TMTC1: variants seen among roughly 807,000 people sequenced by gnomAD.
The protein encoded by TMTC1 is protein O-mannosyl-transferase TMTC1.
A neutral mutation model predicts 104.8 loss-of-function variants in TMTC1; 73 were observed. That is an observed-to-expected ratio of 0.70 (90% CI 0.58 to 0.85). The LOEUF is 0.85. Ranked by LOEUF, TMTC1 falls within the 40% of genes least tolerant of loss-of-function variation. TMTC1 has a pLI of 0.00. For synonymous variants in TMTC1, 434 were observed against 428.7 expected, an observed-to-expected ratio of 1.01 and a Z score of -0.15; for missense variants, 1,035 against 1,096.1, an observed-to-expected ratio of 0.94 and a Z score of 0.79.
At chr12:29,732,897 T>A (rs999215971) in intron 5 of TMTC1, among the ~76,000 whole-genome samples, 2 of 152,156 alleles carry the variant, frequency 1.3e-5, no homozygotes, top group African/African-American at 4.8e-5. Flanking sequence ...ACTGGTCTCT[T>A]ATCCACATAA....
rs186480705 is a variant in TMTC1, at chr12:29,738,552, T to C, written c.938+13114A>G. ...CAATTGATCAAGCCAGAAAAAGATA[T>C]TTACTTCACATCTGCTCATTTTCTT... On this transcript the variant is annotated intron_variant, in intron 5 of 17. Transcript: ENST00000539277. 5.9e-5 allele frequency among the ~76,000 whole-genome samples: 9 copies of C among 152,310 alleles called. 1 individual carries two copies. Among genetic ancestry groups the C allele is most frequent in the African/African-American group, 1.7e-4 (7 of 41,578 alleles).
chr12:29,779,885 CTT>C (rs1943794690), intron 1 of TMTC1, among the ~76,000 whole-genome samples: 1 of 152,162 alleles, frequency 6.6e-6, no homozygotes, highest in African/African-American at 2.4e-5. Flanking sequence ...TTACCAAACT[CTT>C]TGGTTTAATA....
intron 5 of TMTC1, among the ~76,000 whole-genome samples, chr12:29,722,290 G>A (rs565437113): frequency 5.9e-5 from 9 of 152,108 alleles, no homozygotes; most frequent in Non-Finnish European, 1.2e-4. Flanking sequence ...ACAAAAGAGC[G>A]GTGGTGATCT....
rs55988236 is a variant in TMTC1 at position 29,629,762 on chromosome 12, C to A, written c.1128+3385G>T. 5.4e-3 allele frequency among the ~76,000 whole-genome samples: 827 copies of A among 152,258 alleles called. 9 individuals are homozygous for A. The highest frequency in any genetic ancestry group is 0.019 in the African/African-American group (781 of 41,548). On this transcript the variant is annotated intron_variant, in intron 6 of 17. Coordinates refer to ENST00000539277, the MANE Select transcript of TMTC1 (RefSeq NM_001193451.2). ...CTAGAAAGTGCTGGCAGTTGTATAA[C>A]ACTGTAAATACACTAAGTACCACTA...
At chr12:29,557,186 AG>A (rs1354277907) in intron 9 of TMTC1, among the ~76,000 whole-genome samples, 186 bp from the exon 10 acceptor site, 2 of 152,254 alleles carry the variant, frequency 1.3e-5, no homozygotes, top group Non-Finnish European at 2.9e-5. Flanking sequence ...TAATTAGGGC[AG>A]GGATGCACAT....
chr12:29,766,571 G>A (rs931190618), intron 2 of TMTC1, among the ~76,000 whole-genome samples: 4 of 152,132 alleles, frequency 2.6e-5, no homozygotes, highest in South Asian at 4.1e-4. Flanking sequence ...CCTTTGTAAG[G>A]TACCTCAGAG....
chr12:29,661,033 C>G, intron 5 of TMTC1: 2 of 372,916 alleles, frequency 5.4e-6, no homozygotes, highest in Non-Finnish European at 8.8e-6. Context: ...CCTGGGTTTC[C>G]GTTCCCAGTT....
chr12:29,566,206 G>T (rs1275524040), intron 9 of TMTC1, among the ~76,000 whole-genome samples: 5 of 152,098 alleles, frequency 3.3e-5, no homozygotes, highest in Non-Finnish European at 7.4e-5. Flanking sequence ...GGTAAGGGGG[G>T]AAGGGTTCTA....
intron 8 of TMTC1, among the ~76,000 whole-genome samples, chr12:29,582,874 C>G (rs191091173): frequency 1.3e-5 from 2 of 152,170 alleles, no homozygotes; most frequent in Non-Finnish European, 2.9e-5. Context: ...GAGAGCCAGG[C>G]GAAGGTCGCC....
chr12:29,781,139 A>G (rs576121022), intron 1 of TMTC1, among the ~76,000 whole-genome samples: 25 of 152,326 alleles, frequency 1.6e-4, no homozygotes, highest in African/African-American at 5.5e-4. Flanking sequence ...AGGTGAATAT[A>G]AAGAAAACTG....
At chr12:29,651,026 T>C (rs749409893) in intron 5 of TMTC1, among the ~76,000 whole-genome samples, 10 of 152,254 alleles carry the variant, frequency 6.6e-5, no homozygotes, top group Non-Finnish European at 1.2e-4. Flanking sequence ...TTGATTTTCT[T>C]CTGAGGCACA....
At chr12:29,649,027 C>A (rs747166797) in intron 5 of TMTC1, among the ~76,000 whole-genome samples, 3 of 152,082 alleles carry the variant, frequency 2.0e-5, no homozygotes, top group Non-Finnish European at 2.9e-5. Context: ...CCATCCTCCA[C>A]CTCTGCCCAC....
chr12:29,688,468 T>C (rs535080793), intron 5 of TMTC1, among the ~76,000 whole-genome samples: 11 of 152,264 alleles, frequency 7.2e-5, no homozygotes, highest in Non-Finnish European at 1.6e-4. Context: ...AGTTCTGCAA[T>C]ATGTCAATCC....
At chr12:29,706,851 G>A (rs537316030) in intron 5 of TMTC1, among the ~76,000 whole-genome samples, 38 of 152,080 alleles carry the variant, frequency 2.5e-4, no homozygotes, top group South Asian at 4.2e-4. Context: ...GATTTGGTTG[G>A]GGGCAGCGGT....
At chr12:29,676,286 T>C (rs993941056) in intron 5 of TMTC1, among the ~76,000 whole-genome samples, 90 of 152,206 alleles carry the variant, frequency 5.9e-4, no homozygotes, top group Non-Finnish European at 1.2e-4. Flanking sequence ...TATGTAACTT[T>C]CTTTTACTAC....
At chr12:29,668,580 C>T (rs1940381662) in intron 5 of TMTC1, among the ~76,000 whole-genome samples, 1 of 151,464 alleles carries the variant, frequency 6.6e-6, no homozygotes, top group Non-Finnish European at 1.5e-5. Flanking sequence ...CCTGCCTCAG[C>T]CCCTCTAGTA....
At chr12:29,691,734 A>C (rs1941273879) in intron 5 of TMTC1, among the ~76,000 whole-genome samples, 1 of 142,664 alleles carries the variant, frequency 7.0e-6, no homozygotes, top group East Asian at 2.3e-4. Context: ...AAAAAAAAAA[A>C]AAAACCTACT....
intron 5 of TMTC1, among the ~76,000 whole-genome samples, chr12:29,690,253 T>G (rs1941226868): frequency 6.6e-6 from 1 of 152,226 alleles, no homozygotes; most frequent in African/African-American, 2.4e-5. Context: ...CGGCAATCAG[T>G]GCATCCTTTG....
chr12:29,745,007 C>T (rs1942915057), intron 5 of TMTC1, among the ~76,000 whole-genome samples: 1 of 152,028 alleles, frequency 6.6e-6, no homozygotes, highest in African/African-American at 2.4e-5. Context: ...CTCACTACAG[C>T]CACAAACTCT....
Sources: allele counts gnomAD v4.1 joint callset (sites outside exome capture counted in the v4.1 genomes callset), GRCh38; gene constraint gnomAD v4.1.1; transcripts MANE v1.5; gene names NCBI Gene and HGNC (gene_info 2026-07-23, HGNC 2026-07-21).